The following ECPAS variants were observed in gnomAD, a reference collection of about 807,000 sequenced individuals.
ECPAS encodes Ecm29 proteasome adaptor and scaffold, also known as proteasome adapter and scaffold protein ECM29.
Under a neutral mutation model 255.1 loss-of-function variants are expected in ECPAS, and 70 were observed. That is an observed-to-expected ratio of 0.27 (90% CI 0.23 to 0.33). The LOEUF is 0.33. Ranked by LOEUF, ECPAS falls within the 10% of genes least tolerant of loss-of-function variation. The pLI is 1.00. For synonymous variants in ECPAS, 784 were observed against 775.0 expected (o/e 1.01, Z -0.19); for missense variants, 1,817 against 2,206.4 (o/e 0.82, Z 3.54).
intron 38 of ECPAS, 117 bp from the exon 39 acceptor site, chr9:111,374,155 C>CT (rs1311168298): frequency 1.6e-5 from 11 of 677,232 alleles, no homozygotes; most frequent in Admixed American, 2.4e-5. Flanking sequence ...CTAATACCCC[C>CT]TCCAGGACTC....
At chr9:111,481,155 CTG>C (rs1203218161) in intron 1 of ECPAS, among the ~76,000 whole-genome samples, 4 of 152,202 alleles carry the variant, frequency 2.6e-5, no homozygotes, top group East Asian at 1.9e-4. Context: ...AATTAGAACT[CTG>C]TGTATTGTTG....
At chr9:111,464,280 A>C (rs1032955001) in intron 2 of ECPAS, among the ~76,000 whole-genome samples, 2 of 151,768 alleles carry the variant, frequency 1.3e-5, no homozygotes, top group African/African-American at 4.8e-5. Flanking sequence ...CAAAAAAAAA[A>C]AAAAAAATTA....
chr9:111,432,585 G>C (rs1217313383), intron 8 of ECPAS, among the ~76,000 whole-genome samples: 1 of 152,206 alleles, frequency 6.6e-6, no homozygotes, highest in Admixed American at 6.5e-5. Context: ...CTGCACTCCT[G>C]CCTGGGCAAC....
chr9:111,369,290 T>C, intron 45 of ECPAS, 117 bp from the exon 46 acceptor site: 5 of 663,936 alleles, frequency 7.5e-6, no homozygotes, highest in Non-Finnish European at 1.1e-5. Context: ...AGTTAAATGA[T>C]AAATTCTCTA....
rs929630625 is a variant in ECPAS, at chr9:111,410,062, A to G, written c.2529T>C (p.Pro843=). ...HLVESLLSRI[P]SSKETNKMKE... ...TTACCTTATTTGTTTCTTTACTGGA[A>G]GGTATTCTACTTAGTAAGCTTTCTA... Residue 843 remains proline, a synonymous_variant, in exon 23 of 50, where the codon CCT becomes CCC. Coordinates refer to ENST00000684092, the MANE Select transcript of ECPAS (RefSeq NM_001364929.1). The G allele has an allele frequency of 6.4e-7, 1 of 1,569,454 alleles. No homozygotes were observed.
In ECPAS at chr9:111,414,610, C is replaced by T; in HGVS notation, c.1806G>A (p.Gly602=). ...CCAAACTCTGAGAGGTGGGCACCAC[C>T]CCCGCACTGTGCGCAAGGCACATGC... ...YLRMCLAHSA[G]VVPTSQSLAD... Residue 602 remains glycine (G), a synonymous_variant, in exon 19 of 50, where the codon GGG becomes GGA. Transcript: ENST00000684092. The T allele has an allele frequency of 1.2e-6, 2 of 1,613,882 alleles. No homozygotes were observed. Among genetic ancestry groups the T allele is most frequent in the Middle Eastern group, 1.7e-4 (1 of 5,952 alleles).
chr9:111,382,260 CTTTTT>C (rs35441317), intron 35 of ECPAS, among the ~76,000 whole-genome samples: 5 of 107,718 alleles, frequency 4.6e-5, no homozygotes, highest in Admixed American at 1.0e-4. Flanking sequence ...AAAAGTGATA[CTTTTT>C]TTTTTTTTTT....
At chr9:111,468,620 AGAGT>A (rs1222543654) in intron 2 of ECPAS, among the ~76,000 whole-genome samples, 106 of 149,658 alleles carry the variant, frequency 7.1e-4, no homozygotes, top group African/African-American at 2.3e-3. Flanking sequence ...CTGGGCAAAG[AGAGT>A]GAGTGAGAGA....
intron 7 of ECPAS, among the ~76,000 whole-genome samples, chr9:111,436,716 T>C (rs574482010): frequency 9.5e-4 from 144 of 152,336 alleles, no homozygotes; most frequent in African/African-American, 3.4e-3. Flanking sequence ...ACTTGACATA[T>C]GTAAGCAGTA....
At chr9:111,426,962 G>C (rs1307976465) in intron 10 of ECPAS, among the ~76,000 whole-genome samples, 2 of 152,084 alleles carry the variant, frequency 1.3e-5, no homozygotes, top group Admixed American at 6.6e-5. Flanking sequence ...GGCACAGAAA[G>C]ACTCCGTCTC....
intron 26 of ECPAS, 67 bp from the exon 27 acceptor site, chr9:111,393,801 C>CCTG: frequency 8.9e-7 from 1 of 1,121,840 alleles, no homozygotes; most frequent in Non-Finnish European, 1.3e-6. Flanking sequence ...GAGTCTTGCT[C>CCTG]TCACCGTGTA....
At chr9:111,433,902 T>A (rs1450435635) in intron 7 of ECPAS, among the ~76,000 whole-genome samples, 1 of 152,240 alleles carries the variant, frequency 6.6e-6, no homozygotes, top group Non-Finnish European at 1.5e-5. Flanking sequence ...ACTTCAAATG[T>A]TAGCTACTCA....
At chr9:111,467,114 T>C (rs563063686) in intron 2 of ECPAS, among the ~76,000 whole-genome samples, 1 of 152,270 alleles carries the variant, frequency 6.6e-6, no homozygotes, top group East Asian at 1.9e-4. Context: ...AGCTATTTTC[T>C]TACAGGACTA....
chr9:111,467,853 G>C (rs943378603), intron 2 of ECPAS, among the ~76,000 whole-genome samples: 3 of 152,166 alleles, frequency 2.0e-5, no homozygotes, highest in Non-Finnish European at 2.9e-5. Flanking sequence ...ACTTATAGAT[G>C]CATTTATAGA....
chr9:111,404,991 G>T (rs1482423650), intron 24 of ECPAS, among the ~76,000 whole-genome samples: 1 of 149,304 alleles, frequency 6.7e-6, no homozygotes, highest in Admixed American at 6.6e-5. Flanking sequence ...TACCAAAAAC[G>T]ATCTACAGAT....
chr9:111,373,117 T>C (rs1034765171), intron 41 of ECPAS, 53 bp downstream of exon 41: 1 of 1,343,252 alleles, frequency 7.4e-7, no homozygotes, highest in Non-Finnish European at 1.1e-6. Flanking sequence ...ACTGTTTTAC[T>C]GGGCTGTTAA....
At chr9:111,392,622 C>A in intron 28 of ECPAS, 146 bp downstream of exon 28, 1 of 599,246 alleles carries the variant, frequency 1.7e-6, no homozygotes, top group East Asian at 2.8e-5. Flanking sequence ...GTGCTATCCA[C>A]AGCACAACAA....
At chr9:111,420,465 T>C (rs1269112523) in intron 15 of ECPAS, among the ~76,000 whole-genome samples, 1 of 152,146 alleles carries the variant, frequency 6.6e-6, no homozygotes, top group African/African-American at 2.4e-5. Context: ...TGACAGTTTC[T>C]AGCCATCACC....
At chr9:111,460,844 A>G (rs904295751) in intron 2 of ECPAS, among the ~76,000 whole-genome samples, 2 of 152,188 alleles carry the variant, frequency 1.3e-5, no homozygotes, top group Non-Finnish European at 2.9e-5. Flanking sequence ...TAAGATGTCA[A>G]TTCTCCCCAA....
Sources: allele counts gnomAD v4.1 joint callset (sites outside exome capture counted in the v4.1 genomes callset), GRCh38; gene constraint gnomAD v4.1.1; transcripts MANE v1.5; gene names NCBI Gene and HGNC (gene_info 2026-07-23, HGNC 2026-07-21).